Variants in CNTNAP5 observed in about 807,000 individuals in gnomAD.
The protein encoded by CNTNAP5 is contactin associated protein family member 5, also known as contactin-associated protein-like 5.
In CNTNAP5, 72 loss-of-function variants were observed where a neutral mutation model predicts 150.2. The observed-to-expected ratio is 0.48, with a 90% CI of 0.40 to 0.58. CNTNAP5 has a LOEUF of 0.58. Ranked by LOEUF, CNTNAP5 falls within the 20% of genes least tolerant of loss-of-function variation. CNTNAP5 has a pLI of 0.00. For synonymous variants in CNTNAP5, 672 were observed against 619.8 expected, an observed-to-expected ratio of 1.08 and a Z score of -1.25; for missense variants, 1,636 against 1,626.2, an observed-to-expected ratio of 1.01 and a Z score of -0.10.
At chr2:124,073,545 C>G (rs1682363586) in intron 1 of CNTNAP5, among the ~76,000 whole-genome samples, 1 of 151,950 alleles carries the variant, frequency 6.6e-6, no homozygotes. Context: ...ATAGACTTTT[C>G]TCAGATAAGA....
At chr2:124,269,932 G>A (rs765614764) in intron 3 of CNTNAP5, among the ~76,000 whole-genome samples, 11 of 152,184 alleles carry the variant, frequency 7.2e-5, no homozygotes, top group Non-Finnish European at 1.6e-4. Flanking sequence ...CTCAAATCAT[G>A]TCTGCGGATG....
At chr2:124,709,458 A>T (rs1220993083) in intron 13 of CNTNAP5, among the ~76,000 whole-genome samples, 1 of 152,190 alleles carries the variant, frequency 6.6e-6, no homozygotes, top group African/African-American at 2.4e-5. Flanking sequence ...ATACAAGTAG[A>T]AAATTTGTAT....
rs200718761 is a variant in CNTNAP5 at position 124,407,632 on chromosome 2, G to A, written c.382-9811G>A. ...TTTGAAGAGCAGTAAACTATTTTCA[G>A]GGAAAATGGATGTACCCAGTACTCA... On this transcript the variant is annotated intron_variant, in intron 3 of 23. Transcript: ENST00000682447. Among the ~76,000 whole-genome samples, 6 of 152,240 alleles carry A rather than the reference G, an allele frequency of 3.9e-5. No homozygotes were observed. In the East Asian group the frequency reaches 1.2e-3, roughly 29 times the overall value.
intron 3 of CNTNAP5, among the ~76,000 whole-genome samples, chr2:124,307,563 C>T (rs1284604415): frequency 6.6e-6 from 1 of 152,148 alleles, no homozygotes; most frequent in Non-Finnish European, 1.5e-5. Flanking sequence ...AATCTGTGAA[C>T]TCAAGGGTTT....
At chr2:124,292,312 T>C (rs1455974807) in intron 3 of CNTNAP5, among the ~76,000 whole-genome samples, 1 of 152,110 alleles carries the variant, frequency 6.6e-6, no homozygotes, top group Non-Finnish European at 1.5e-5. Flanking sequence ...CCTTCAGCTT[T>C]TGAGGCTTTT....
At chr2:124,038,081 A>C (rs1573708919) in intron 1 of CNTNAP5, among the ~76,000 whole-genome samples, 2 of 152,326 alleles carry the variant, frequency 1.3e-5, no homozygotes, top group Admixed American at 6.5e-5. Flanking sequence ...CAATAGGGAT[A>C]GACAGAAGGT....
intron 1 of CNTNAP5, among the ~76,000 whole-genome samples, chr2:124,071,886 G>C (rs974711789): frequency 6.6e-6 from 1 of 151,700 alleles, no homozygotes; most frequent in South Asian, 2.1e-4. Context: ...AATTTATGAG[G>C]CTTCTCTTAC....
chr2:124,433,384 A>T (rs1368965479), intron 4 of CNTNAP5, among the ~76,000 whole-genome samples: 1 of 152,270 alleles, frequency 6.6e-6, no homozygotes, highest in East Asian at 1.9e-4. Context: ...AAAACTAATT[A>T]CAGAAAAGTA....
chr2:124,328,745 G>C (rs1689279531), intron 3 of CNTNAP5, among the ~76,000 whole-genome samples: 1 of 152,120 alleles, frequency 6.6e-6, no homozygotes, highest in South Asian at 2.1e-4. Flanking sequence ...CAAAAGAAAG[G>C]CTTGGGAGGT....
At chr2:124,486,346 G>T (rs576031414) in intron 7 of CNTNAP5, among the ~76,000 whole-genome samples, 32 of 152,246 alleles carry the variant, frequency 2.1e-4, no homozygotes, top group African/African-American at 7.5e-4. Context: ...CAAACTGTGT[G>T]CAGTGTACAC....
chr2:124,700,979 T>C (rs529379991), intron 13 of CNTNAP5, among the ~76,000 whole-genome samples: 2 of 152,182 alleles, frequency 1.3e-5, no homozygotes, highest in South Asian at 2.1e-4. Context: ...TCATCTCACA[T>C]AGTTACGCAT....
At chr2:124,365,206 C>T (rs1690339532) in intron 3 of CNTNAP5, among the ~76,000 whole-genome samples, 1 of 151,810 alleles carries the variant, frequency 6.6e-6, no homozygotes, top group Admixed American at 6.6e-5. Flanking sequence ...GTCGCAGCTA[C>T]TCATGGGACT....
chr2:124,417,377 A>G lies in CNTNAP5; in HGVS notation c.382-66A>G, dbSNP rs562725960. 168 of 1,545,822 alleles carry G rather than the reference A, an allele frequency of 1.1e-4. 1 individual carries two copies. The South Asian group carries it at 1.7e-3, about 16-fold the overall frequency. ...CTCAGTACGAGTTCGTGGAGTAACA[A>G]ATATGGTTTTCCACTGAAATTCCAT... is the stretch of plus-strand genomic sequence containing the variant. On this transcript the variant is annotated intron_variant, in intron 3 of 23. Transcript: ENST00000682447.
At chr2:124,496,379 T>G (rs1178341449) in intron 7 of CNTNAP5, among the ~76,000 whole-genome samples, 1 of 152,170 alleles carries the variant, frequency 6.6e-6, no homozygotes, top group African/African-American at 2.4e-5. Flanking sequence ...TTTGAAATCT[T>G]TCCCCGCAAA....
intron 3 of CNTNAP5, among the ~76,000 whole-genome samples, chr2:124,296,764 C>T (rs139317627): frequency 2.0e-5 from 3 of 152,156 alleles, no homozygotes; most frequent in Non-Finnish European, 2.9e-5. Context: ...TCCTCAATAC[C>T]CCCTCTCCCC....
chr2:124,309,382 A>G (rs1425314687), intron 3 of CNTNAP5, among the ~76,000 whole-genome samples: 1 of 152,208 alleles, frequency 6.6e-6, no homozygotes, highest in Non-Finnish European at 1.5e-5. Flanking sequence ...GTAAAGGAGA[A>G]TAAGTAATAT....
At chr2:124,833,847 T>C (rs1682769807) in intron 19 of CNTNAP5, among the ~76,000 whole-genome samples, 1 of 151,940 alleles carries the variant, frequency 6.6e-6, no homozygotes, top group African/African-American at 2.4e-5. Flanking sequence ...TTAAGGAATA[T>C]ATTGACTCAG....
chr2:124,410,584 A>G (rs1459096364), intron 3 of CNTNAP5, among the ~76,000 whole-genome samples: 9 of 146,390 alleles, frequency 6.1e-5, no homozygotes, highest in Admixed American at 2.1e-4. Flanking sequence ...CTCACTCAAA[A>G]CCGCTCAACT....
chr2:124,156,035 T>TC (rs1165884184), intron 1 of CNTNAP5, among the ~76,000 whole-genome samples: 1 of 152,186 alleles, frequency 6.6e-6, no homozygotes, highest in African/African-American at 2.4e-5. Context: ...GCAAAGTGCA[T>TC]CTAAAAAAGG....
Sources: gnomAD v4.1 joint callset for allele counts (sites outside exome capture counted in the v4.1 genomes callset) on GRCh38, gnomAD v4.1.1 for gene constraint, MANE v1.5 for transcripts, NCBI Gene and HGNC (gene_info 2026-07-23, HGNC 2026-07-21) for gene names.